The following PLCL2 variants were observed in gnomAD, a reference collection of about 807,000 sequenced individuals.
The protein encoded by PLCL2 is phospholipase C like 2, also known as inactive phospholipase C-like protein 2.
A neutral mutation model predicts 79.6 loss-of-function variants in PLCL2; 4 were observed. The observed-to-expected ratio is 0.05, with a 90% CI of 0.02 to 0.11. The LOEUF is 0.11. Ranked by LOEUF, PLCL2 falls within the 10% of genes least tolerant of loss-of-function variation. The pLI is 1.00. For missense variants in PLCL2, 895 were observed against 1,291.0 expected (o/e 0.69, Z 4.70); for synonymous variants, 484 against 457.7 (o/e 1.06, Z -0.73).
rs928240931 is a variant in PLCL2 at position 17,009,361 on chromosome 3, A to G, written c.328-313A>G. 1.3e-5 allele frequency among the ~76,000 whole-genome samples: 2 copies of G among 151,966 alleles called. No homozygotes were observed. The highest frequency in any genetic ancestry group is 1.9e-4 in the East Asian group (1 of 5,178). ...GGTCTCAAACTCCTCACCTCAAGCA[A>G]TCCTCCTGCCTTAGCCTCCCAAAGT... On this transcript the variant is annotated intron_variant, in intron 1 of 5. Coordinates refer to ENST00000615277, the MANE Select transcript of PLCL2 (RefSeq NM_001144382.2). This position sits in a 1 kb window ranked among gnomAD's most constrained non-coding sequence, Gnocchi z 4.0.
At chr3:16,907,321 A>G in intron 1 of PLCL2, among the ~76,000 whole-genome samples, 1 of 152,224 alleles carries the variant, frequency 6.6e-6, no homozygotes, top group South Asian at 2.1e-4. Flanking sequence ...CTTATCACCT[A>G]GGAACAACAC....
chr3:16,910,959 G>C (rs1033210425), intron 1 of PLCL2, among the ~76,000 whole-genome samples: 1 of 152,060 alleles, frequency 6.6e-6, no homozygotes, highest in Non-Finnish European at 1.5e-5. Flanking sequence ...TCCCAATGTA[G>C]AATTTGTAAT....
chr3:17,017,103 G>A (rs1325189428), intron 3 of PLCL2, among the ~76,000 whole-genome samples: 1 of 152,096 alleles, frequency 6.6e-6, no homozygotes, highest in Non-Finnish European at 1.5e-5. Context: ...AGCAATATTC[G>A]GCTCAGGAAT....
chr3:16,949,704 T>C (rs749780032), intron 1 of PLCL2, among the ~76,000 whole-genome samples: 1 of 152,354 alleles, frequency 6.6e-6, no homozygotes, highest in Non-Finnish European at 1.5e-5. Flanking sequence ...TGTTGCCGTC[T>C]TGAAAGTCGT....
At chr3:16,940,324 G>A (rs1288989747) in intron 1 of PLCL2, among the ~76,000 whole-genome samples, 2 of 151,834 alleles carry the variant, frequency 1.3e-5, no homozygotes, top group South Asian at 2.1e-4. Flanking sequence ...AGTTTCCCTC[G>A]TCCTTTTTAA....
intron 1 of PLCL2, among the ~76,000 whole-genome samples, chr3:16,919,776 T>G (rs1377265985): frequency 6.6e-6 from 1 of 152,112 alleles, no homozygotes; most frequent in Non-Finnish European, 1.5e-5. Context: ...TCCCTCAAAG[T>G]GAGGAAGAGT....
intron 5 of PLCL2, among the ~76,000 whole-genome samples, chr3:17,085,851 A>C (rs1419852104): frequency 6.6e-6 from 1 of 152,362 alleles, no homozygotes; most frequent in Non-Finnish European, 1.5e-5. Flanking sequence ...TCAGGTATAA[A>C]TCTAACAACA....
chr3:16,893,920 G>A (rs1696410059), intron 1 of PLCL2, among the ~76,000 whole-genome samples: 1 of 152,178 alleles, frequency 6.6e-6, no homozygotes, highest in South Asian at 2.1e-4. Flanking sequence ...AGAGACTGAT[G>A]GACTGATGGG....
At chr3:17,080,533 C>T (rs1254779884) in intron 5 of PLCL2, among the ~76,000 whole-genome samples, 1 of 152,254 alleles carries the variant, frequency 6.6e-6, no homozygotes, top group African/African-American at 2.4e-5. Context: ...TCACTGCAAC[C>T]TCCACCTCCC....
At chr3:16,933,484 C>G (rs1399060807) in intron 1 of PLCL2, among the ~76,000 whole-genome samples, 2 of 152,270 alleles carry the variant, frequency 1.3e-5, no homozygotes, top group African/African-American at 4.8e-5. Context: ...CCTTTCTCCC[C>G]ATTTTGACTT....
chr3:16,942,417 C>G (rs190739539), intron 1 of PLCL2, among the ~76,000 whole-genome samples: 79 of 151,988 alleles, frequency 5.2e-4, no homozygotes, highest in African/African-American at 1.8e-3. Flanking sequence ...TATCAACTTC[C>G]CATTACCTTT....
intron 1 of PLCL2, among the ~76,000 whole-genome samples, chr3:16,944,344 T>TC (rs2063581665): frequency 6.6e-6 from 1 of 152,154 alleles, no homozygotes; most frequent in African/African-American, 2.4e-5. Flanking sequence ...CAGATGACTC[T>TC]CCATCTTTCC....
chr3:16,965,062 T>A (rs996543052), intron 1 of PLCL2, among the ~76,000 whole-genome samples: 1 of 152,050 alleles, frequency 6.6e-6, no homozygotes, highest in Admixed American at 6.5e-5. Flanking sequence ...TTGTTGCCAT[T>A]GCTTTTGGTG....
intron 1 of PLCL2, among the ~76,000 whole-genome samples, chr3:16,987,221 C>T (rs2064060098): frequency 6.6e-6 from 1 of 152,072 alleles, no homozygotes; most frequent in Non-Finnish European, 1.5e-5. Context: ...GGACCCAGGT[C>T]TGTCAGGTGT....
rs1359689285 is a variant in PLCL2, at chr3:16,982,893, TA to T, written c.328-26780del. 7.9e-5 allele frequency among the ~76,000 whole-genome samples: 12 copies of T among 152,386 alleles called. 1 individual carries two copies. The highest frequency in any genetic ancestry group is 7.2e-4 in the Admixed American group (11 of 15,312). ...ATAAATTTACTTTAATTCATGAGTA[TA>T]TTTTTATTTCTGTATAACTGTGGCC... On this transcript the variant is annotated intron_variant, in intron 1 of 5. Coordinates refer to ENST00000615277, the MANE Select transcript of PLCL2 (RefSeq NM_001144382.2).
chr3:16,925,662 CATA>C (rs1697229668), intron 1 of PLCL2, among the ~76,000 whole-genome samples: 1 of 152,152 alleles, frequency 6.6e-6, no homozygotes, highest in Admixed American at 6.5e-5. Context: ...TTTCACTTAG[CATA>C]ATATTTTAAA....
intron 1 of PLCL2, among the ~76,000 whole-genome samples, chr3:16,932,799 C>A (rs750845384): frequency 4.6e-5 from 7 of 152,158 alleles, no homozygotes; most frequent in Non-Finnish European, 7.4e-5. Context: ...GACTCTGTAG[C>A]CCAGTACTGA....
At chr3:16,964,365 G>T (rs1405769672) in intron 1 of PLCL2, among the ~76,000 whole-genome samples, 1 of 152,048 alleles carries the variant, frequency 6.6e-6, no homozygotes, top group East Asian at 1.9e-4. Context: ...CTTTTTAATG[G>T]CTGCATAGTA....
intron 4 of PLCL2, among the ~76,000 whole-genome samples, chr3:17,049,845 A>G (rs1380850659): frequency 1.3e-5 from 2 of 152,064 alleles, no homozygotes; most frequent in Non-Finnish European, 2.9e-5. Flanking sequence ...TAACATTTAT[A>G]TGGAACCCCT....
Sources: gnomAD v4.1 joint callset for allele counts (sites outside exome capture counted in the v4.1 genomes callset) on GRCh38, gnomAD v4.1.1 for gene constraint, Gnocchi (gnomAD v3.1) non-coding constraint, MANE v1.5 for transcripts, NCBI Gene and HGNC (gene_info 2026-07-23, HGNC 2026-07-21) for gene names.